The following C8orf34 variants were observed in gnomAD, a reference collection of about 807,000 sequenced individuals.
C8orf34 encodes chromosome 8 open reading frame 34, also known as uncharacterized protein C8orf34.
In C8orf34, 65 loss-of-function variants were observed where a neutral mutation model predicts 68.3. The ratio of observed to expected loss-of-function variants is 0.95; its 90% CI spans 0.78 to 1.17. C8orf34 has a LOEUF of 1.17. Ranked by LOEUF, C8orf34 falls within the 50% of genes most tolerant of loss-of-function variation. C8orf34 has a pLI of 0.00. For missense variants in C8orf34, 664 were observed against 655.4 expected (o/e 1.01, Z -0.14); for synonymous variants, 244 against 241.2 (o/e 1.01, Z -0.11).
intron 7 of C8orf34, among the ~76,000 whole-genome samples, chr8:68,606,447 C>T (rs9692888): frequency 6.6e-6 from 1 of 151,914 alleles, no homozygotes; most frequent in South Asian, 2.1e-4. Flanking sequence ...TGGCCCATAA[C>T]TTACAGAGAG....
intron 1 of C8orf34, among the ~76,000 whole-genome samples, chr8:68,421,086 A>T (rs915898268): frequency 1.3e-5 from 2 of 152,168 alleles, no homozygotes; most frequent in South Asian, 2.1e-4. Flanking sequence ...TAAGGAACTT[A>T]AAAAAACCAC....
chr8:68,336,955 A>G (rs1421520627), intron 1 of C8orf34, among the ~76,000 whole-genome samples: 6 of 152,218 alleles, frequency 3.9e-5, no homozygotes, highest in Non-Finnish European at 8.8e-5. Context: ...ATTTTACTTC[A>G]CTGGGATCTA....
chr8:68,629,241 G>A (rs141363976), intron 7 of C8orf34, among the ~76,000 whole-genome samples: 63 of 152,210 alleles, frequency 4.1e-4, no homozygotes, highest in Middle Eastern at 6.8e-3. Flanking sequence ...CCCTCTGAGT[G>A]TCTACCAGAC....
chr8:68,453,308 T>C (rs1811420563), intron 3 of C8orf34, among the ~76,000 whole-genome samples: 1 of 152,048 alleles, frequency 6.6e-6, no homozygotes, highest in Non-Finnish European at 1.5e-5. Context: ...TTTAAAATAT[T>C]TCTGCATAAA....
chr8:68,810,553 C>T (rs1001136497), intron 12 of C8orf34, among the ~76,000 whole-genome samples: 17 of 152,180 alleles, frequency 1.1e-4, no homozygotes, highest in African/African-American at 3.1e-4. Context: ...AGGGGCATGT[C>T]TCAACCCTGT....
chr8:68,640,658 T>G, intron 8 of C8orf34, 147 bp downstream of exon 8: 1 of 773,278 alleles, frequency 1.3e-6, no homozygotes, highest in Non-Finnish European at 2.0e-6. Flanking sequence ...GGGAGTTAGT[T>G]ATGCAGTTTA....
At chr8:68,661,136 G>T (rs1476525886) in intron 8 of C8orf34, among the ~76,000 whole-genome samples, 1 of 152,194 alleles carries the variant, frequency 6.6e-6, no homozygotes, top group Non-Finnish European at 1.5e-5. Flanking sequence ...CTGCCCTGGG[G>T]CATGGGCAGC....
intron 8 of C8orf34, among the ~76,000 whole-genome samples, chr8:68,671,319 A>G (rs942957215): frequency 1.3e-5 from 2 of 152,238 alleles, no homozygotes; most frequent in African/African-American, 4.8e-5. Flanking sequence ...ATGAACAACC[A>G]TCTGATCACT....
intron 1 of C8orf34, among the ~76,000 whole-genome samples, chr8:68,386,641 G>A (rs540630851): frequency 3.3e-5 from 5 of 152,226 alleles, no homozygotes; most frequent in Admixed American, 2.6e-4. Context: ...TTAGATCTGT[G>A]TTATGATTTG....
chr8:68,464,845 C>T (rs1235166674), intron 3 of C8orf34, among the ~76,000 whole-genome samples: 1 of 152,024 alleles, frequency 6.6e-6, no homozygotes, highest in African/African-American at 2.4e-5. Context: ...ACCATAAAAA[C>T]CCTAGAAGAA....
At chr8:68,764,883 T>G (rs1417364874) in intron 10 of C8orf34, among the ~76,000 whole-genome samples, 5 of 152,224 alleles carry the variant, frequency 3.3e-5, no homozygotes, top group Non-Finnish European at 1.5e-5. Context: ...TGAAAACTTA[T>G]TTGTATATGA....
At position 68,726,744 on chromosome 8, in the gene C8orf34, T is replaced by C. The variant is rs563323578; in HGVS notation, c.1404+5307T>C. On this transcript the variant is annotated intron_variant, in intron 10 of 13. Coordinates refer to ENST00000518698, the MANE Select transcript of C8orf34 (RefSeq NM_052958.4). ...CTTGCATGGCAGCAGAGAGAGAAAA[T>C]GAAGAAGCAAAAGCGGAAACCCCTG... Among the ~76,000 whole-genome samples the C allele has an allele frequency of 4.0e-5, 6 of 151,862 alleles. No homozygotes were observed. The South Asian group carries it at 8.3e-4, about 21-fold the overall frequency.
chr8:68,786,757 C>A (rs1416499159), intron 11 of C8orf34, among the ~76,000 whole-genome samples: 1 of 152,068 alleles, frequency 6.6e-6, no homozygotes, highest in Non-Finnish European at 1.5e-5. Context: ...AATAGAGCCA[C>A]TGAAAAATTA....
At chr8:68,716,188 T>C (rs964950855) in intron 9 of C8orf34, among the ~76,000 whole-genome samples, 10 of 151,962 alleles carry the variant, frequency 6.6e-5, no homozygotes, top group African/African-American at 2.4e-4. Flanking sequence ...TGGTGAAGGA[T>C]AAAAGACTAC....
intron 7 of C8orf34, among the ~76,000 whole-genome samples, chr8:68,601,281 G>C (rs1451050968): frequency 1.3e-5 from 2 of 151,916 alleles, no homozygotes; most frequent in Non-Finnish European, 2.9e-5. Flanking sequence ...GAATCCATAG[G>C]TTTATGTTTC....
chr8:68,487,489 A>G (rs7001451), intron 4 of C8orf34, among the ~76,000 whole-genome samples: 152,342 of 152,342 alleles, frequency 1, 76,171 homozygotes, highest in Non-Finnish European at 1. Context: ...CTTGTGATGA[A>G]GAATCATTTA....
At chr8:68,783,680 C>T (rs536399321) in intron 11 of C8orf34, among the ~76,000 whole-genome samples, 239 of 152,134 alleles carry the variant, frequency 1.6e-3, no homozygotes, top group African/African-American at 5.5e-3. Context: ...CTTTTCTGGG[C>T]GGAACCAATG....
At chr8:68,468,480 C>T (rs971552733) in intron 3 of C8orf34, among the ~76,000 whole-genome samples, 1 of 151,952 alleles carries the variant, frequency 6.6e-6, no homozygotes, top group African/African-American at 2.4e-5. Flanking sequence ...CTATAAACTC[C>T]ACCACACTTC....
chr8:68,461,667 C>G (rs980872333), intron 3 of C8orf34, among the ~76,000 whole-genome samples: 42 of 152,244 alleles, frequency 2.8e-4, no homozygotes, highest in African/African-American at 8.4e-4. Flanking sequence ...ATTTTCAACC[C>G]AGAATTTCCT....
Sources: allele counts gnomAD v4.1 joint callset (sites outside exome capture counted in the v4.1 genomes callset), GRCh38; gene constraint gnomAD v4.1.1; transcripts MANE v1.5; gene names NCBI Gene and HGNC (gene_info 2026-07-23, HGNC 2026-07-21).